The following ITGB3BP variants were observed in gnomAD, a reference collection of about 807,000 sequenced individuals.
The protein encoded by ITGB3BP is centromere protein R.
A neutral mutation model predicts 29.1 loss-of-function variants in ITGB3BP; 27 were observed. The observed-to-expected ratio is 0.93, with a 90% CI of 0.68 to 1.28. ITGB3BP has a LOEUF of 1.28. Among genes scored for constraint, ITGB3BP ranks in the 50% most tolerant of loss-of-function variants. ITGB3BP has a pLI of 0.00. For missense variants in ITGB3BP, 192 were observed against 200.2 expected (o/e 0.96, Z 0.25); for synonymous variants, 61 against 61.4 (o/e 0.99, Z 0.03).
At chr1:63,442,034 A>G (rs960768210) in intron 8 of ITGB3BP, among the ~76,000 whole-genome samples, 5 of 152,188 alleles carry the variant, frequency 3.3e-5, no homozygotes, top group African/African-American at 9.7e-5. Flanking sequence ...GGATGCAGTG[A>G]GCTATGATTG....
rs551921883 is a variant in ITGB3BP, at chr1:63,469,419, C to T, written c.254+9345G>A. Among the ~76,000 whole-genome samples, 111 of 152,034 alleles carry T rather than the reference C, an allele frequency of 7.3e-4. 1 individual carries two copies. The highest frequency in any genetic ancestry group is 2.6e-3 in the Admixed American group (39 of 15,264). ...TCGGCTCACCACAACCTCTGCCTCC[C>T]GGGTTCAAGCAATTCTCCTGCCTCA... On this transcript the variant is annotated intron_variant, in intron 4 of 8. Transcript: ENST00000271002.
intron 4 of ITGB3BP, among the ~76,000 whole-genome samples, chr1:63,472,551 G>A (rs1158581489): frequency 4.7e-5 from 7 of 147,476 alleles, no homozygotes; most frequent in African/African-American, 7.5e-5. Flanking sequence ...CTGCCATCTC[G>A]GCTCACTGCA....
At chr1:63,470,167 C>A (rs1355123793) in intron 4 of ITGB3BP, among the ~76,000 whole-genome samples, 1 of 152,144 alleles carries the variant, frequency 6.6e-6, no homozygotes, top group Non-Finnish European at 1.5e-5. Context: ...GTGGGTAAAT[C>A]TCTGTTCAGG....
chr1:63,485,443 C>T (rs1265902903), intron 3 of ITGB3BP, among the ~76,000 whole-genome samples: 4 of 151,036 alleles, frequency 2.6e-5, no homozygotes, highest in Non-Finnish European at 5.9e-5. Flanking sequence ...TTTTTTCACC[C>T]GCCCTCCAAT....
At chr1:63,479,244 A>T (rs554160207) in intron 3 of ITGB3BP, among the ~76,000 whole-genome samples, 1 of 152,160 alleles carries the variant, frequency 6.6e-6, no homozygotes, top group South Asian at 2.1e-4. Flanking sequence ...GGGATTGGTG[A>T]TACCGATACT....
intron 2 of ITGB3BP, among the ~76,000 whole-genome samples, chr1:63,502,532 A>G (rs1172521287): frequency 1.4e-5 from 2 of 139,176 alleles, no homozygotes; most frequent in Non-Finnish European, 3.1e-5. Flanking sequence ...TTTTTTTAAT[A>G]CTTTAAGTTT....
At chr1:63,490,369 T>C (rs186828752) in intron 2 of ITGB3BP, 151 bp from the exon 3 acceptor site, 3 of 578,308 alleles carry the variant, frequency 5.2e-6, no homozygotes, top group African/African-American at 1.9e-5. Flanking sequence ...ACTCTCAAAG[T>C]AAACACTATT....
chr1:63,446,458 T>G (rs915475962), intron 8 of ITGB3BP: 1 of 206,056 alleles, frequency 4.9e-6, no homozygotes, highest in Admixed American at 5.3e-5. Flanking sequence ...ACAGAAACTA[T>G]AGTCCACTTG....
At chr1:63,482,899 C>A (rs1170149771) in intron 3 of ITGB3BP, among the ~76,000 whole-genome samples, 2 of 152,088 alleles carry the variant, frequency 1.3e-5, no homozygotes, top group Non-Finnish European at 2.9e-5. Context: ...GGTGATCTGC[C>A]CGCCTCAGCC....
intron 8 of ITGB3BP, among the ~76,000 whole-genome samples, chr1:63,443,975 G>A (rs1644759413): frequency 6.6e-6 from 1 of 152,102 alleles, no homozygotes; most frequent in Non-Finnish European, 1.5e-5. Flanking sequence ...AAAAGTCAGG[G>A]AACGAAGGAG....
chr1:63,510,188 C>CA (rs67405755), intron 1 of ITGB3BP: 106,817 of 412,094 alleles, frequency 0.26, 8,268 homozygotes, highest in Non-Finnish European at 0.31. Flanking sequence ...AAAACTGTCT[C>CA]AAAAAAAAAA....
chr1:63,489,934 C>T, intron 3 of ITGB3BP, 149 bp downstream of exon 3: 1 of 630,878 alleles, frequency 1.6e-6, no homozygotes, highest in East Asian at 3.2e-5. Context: ...ACATTTATGT[C>T]CAAAGTAATA....
chr1:63,496,201 T>TC lies in ITGB3BP; in HGVS notation c.49-5984dup, dbSNP rs1645784193. ...TCCGCCTCCTGGGCTCAAGTGACCC[T>TC]CCCACCTTAGCCTCCTGAGTAATTG... On this transcript the variant is annotated intron_variant, in intron 2 of 8. Transcript: ENST00000271002. Among the ~76,000 whole-genome samples, 4 of 151,518 alleles carry TC rather than the reference T, an allele frequency of 2.6e-5. No homozygotes were observed. In the South Asian group the frequency reaches 8.4e-4, roughly 32 times the overall value.
chr1:63,462,286 G>A (rs909922738), intron 4 of ITGB3BP, among the ~76,000 whole-genome samples: 2 of 152,064 alleles, frequency 1.3e-5, no homozygotes, highest in African/African-American at 4.8e-5. Flanking sequence ...TTCATTACAG[G>A]TATATGGAAA....
chr1:63,491,254 CTGCTAAATG>C (rs1645639240), intron 2 of ITGB3BP, among the ~76,000 whole-genome samples: 2 of 152,152 alleles, frequency 1.3e-5, no homozygotes, highest in Admixed American at 1.3e-4. Context: ...CCCACCAGCA[CTGCTAAATG>C]TGTACTAATG....
Position 63,443,931 on chromosome 1 carries a change from C to A in ITGB3BP, c.*2-2828G>T, listed in dbSNP as rs189114682. Among the ~76,000 whole-genome samples, 12 of 151,898 alleles carry A rather than the reference C, an allele frequency of 7.9e-5. No individual in the cohort carries two copies. In the East Asian group the frequency reaches 2.1e-3, roughly 27 times the overall value. On this transcript the variant is annotated intron_variant, in intron 8 of 8. Coordinates refer to ENST00000271002, the MANE Select transcript of ITGB3BP (RefSeq NM_014288.5). ...GATTGTGGGTTTATAGCCCAGGAGA[C>A]TATAATAATTTGGAAACCATATACA... is the stretch of plus-strand genomic sequence containing the variant.
rs147679965 is a variant in ITGB3BP, at chr1:63,523,063, C to T, written c.5+66G>A. 5.7e-4 allele frequency: 898 copies of T among 1,580,282 alleles called. 5 individuals carry two copies. In the African/African-American group the frequency reaches 0.011, roughly 18 times the overall value. On this transcript the variant is annotated intron_variant, in intron 1 of 8. Coordinates refer to ENST00000271002, the MANE Select transcript of ITGB3BP (RefSeq NM_014288.5). ...AGGAAAACGAGAAAGGCTACTGGGC[C>T]ACATAATATCTTCTCTTCTTGCAGA...
intron 1 of ITGB3BP, among the ~76,000 whole-genome samples, chr1:63,519,895 C>G (rs569336994): frequency 1.3e-5 from 2 of 152,212 alleles, no homozygotes; most frequent in East Asian, 3.9e-4. Context: ...AATACAGCAG[C>G]AGAATGGCCC....
intron 1 of ITGB3BP, among the ~76,000 whole-genome samples, chr1:63,509,751 T>C (rs1211968327): frequency 6.6e-6 from 1 of 152,218 alleles, no homozygotes; most frequent in Non-Finnish European, 1.5e-5. Context: ...TTAATATCAA[T>C]TTAATCTGAT....
Sources: allele counts gnomAD v4.1 joint callset (sites outside exome capture counted in the v4.1 genomes callset), GRCh38; gene constraint gnomAD v4.1.1; transcripts MANE v1.5; gene names NCBI Gene and HGNC (gene_info 2026-07-23, HGNC 2026-07-21).